The following SGPP2 variants were observed in gnomAD, a reference collection of about 807,000 sequenced individuals.
SGPP2 encodes sphingosine-1-phosphate phosphatase 2.
In SGPP2, 30 loss-of-function variants were observed where a neutral mutation model predicts 33.9. The ratio of observed to expected loss-of-function variants is 0.89; its 90% CI spans 0.66 to 1.20. SGPP2 has a LOEUF of 1.20. SGPP2 is among the 50% of genes most tolerant of loss of function. The probability of loss-of-function intolerance (pLI) is 0.00; values close to 1 mark genes in which losing one functional copy is unlikely to be tolerated. For missense variants in SGPP2, 458 were observed against 532.1 expected, an observed-to-expected ratio of 0.86 and a Z score of 1.37; for synonymous variants, 233 against 225.0, an observed-to-expected ratio of 1.04 and a Z score of -0.32.
At position 222,424,641 on chromosome 2, in the gene SGPP2, C is replaced by G; in HGVS notation, c.39C>G (p.Leu13=). 3 of 1,426,578 alleles carry G rather than the reference C, an allele frequency of 2.1e-6. No individual in the cohort carries two copies. Among genetic ancestry groups the G allele is most frequent in the African/African-American group, 1.5e-5 (1 of 67,726 alleles). 88.4% of individuals were successfully genotyped at this position (1,426,578 alleles called of 1,614,324 possible). A position where few individuals can be genotyped will look rare whatever the true frequency, so the allele number is the denominator to read the frequency against. Residue 13 remains leucine, a synonymous_variant, in exon 1 of 5, where the codon CTC becomes CTG. Coordinates refer to ENST00000321276, the MANE Select transcript of SGPP2 (RefSeq NM_152386.4). ...TGCGGAGCCTGCAGGATTCCCAGCT[C>G]GTCGCCCGCTTCCAGCGCCGCTGCG... ...ELLRSLQDSQ[L]VARFQRRCGL... is the part of the protein sequence containing the mutation.
chr2:222,523,488 C>A (rs1698715929), intron 3 of SGPP2, among the ~76,000 whole-genome samples: 1 of 152,150 alleles, frequency 6.6e-6, no homozygotes, highest in Admixed American at 6.5e-5. Flanking sequence ...AGGCTCGCAG[C>A]AGGAAAACCA....
chr2:222,458,077 G>T (rs975225535), intron 1 of SGPP2, among the ~76,000 whole-genome samples: 1 of 152,092 alleles, frequency 6.6e-6, no homozygotes, highest in Admixed American at 6.5e-5. Flanking sequence ...TTGTGATGGG[G>T]TCTTGCTGTG....
At chr2:222,508,857 G>C (rs1275417245) in intron 2 of SGPP2, among the ~76,000 whole-genome samples, 1 of 152,106 alleles carries the variant, frequency 6.6e-6, no homozygotes, top group Non-Finnish European at 1.5e-5. Context: ...TTAGACATGA[G>C]TAGCACTGTA....
chr2:222,478,305 G>A (rs1040791015), intron 2 of SGPP2, among the ~76,000 whole-genome samples: 4 of 150,778 alleles, frequency 2.7e-5, no homozygotes, highest in African/African-American at 7.4e-5. Flanking sequence ...GTATACGTAC[G>A]CGTGTTGGGA....
intron 1 of SGPP2, among the ~76,000 whole-genome samples, chr2:222,427,838 T>G (rs1697095518): frequency 6.6e-6 from 1 of 152,244 alleles, no homozygotes; most frequent in Non-Finnish European, 1.5e-5. Context: ...CTACAAGTTC[T>G]CATTACACCA....
chr2:222,559,159 G>GCC lies in SGPP2; in HGVS notation c.*262_*263insCC, dbSNP rs1306968136. 3.5e-4 allele frequency: 9 copies of GCC among 25,912 alleles called. No homozygotes were observed. The South Asian group carries it at 3.8e-3, about 11-fold the overall frequency. 1.6% of individuals were successfully genotyped at this position (25,912 alleles called of 1,614,324 possible). On this transcript the variant is annotated 3_prime_UTR_variant, in exon 5 of 5. Coordinates refer to ENST00000321276, the MANE Select transcript of SGPP2 (RefSeq NM_152386.4). ...ATCCGGATCTTTAAAGGCACACACC[G>GCC]CGCCCCCCCCCCCCCCGCCCGGCCC...
At chr2:222,439,789 A>G (rs922288833) in intron 1 of SGPP2, among the ~76,000 whole-genome samples, 2 of 152,232 alleles carry the variant, frequency 1.3e-5, no homozygotes, top group African/African-American at 4.8e-5. Flanking sequence ...AGGGTAAGAA[A>G]GGAAGGATTG....
intron 1 of SGPP2, among the ~76,000 whole-genome samples, chr2:222,456,350 G>T (rs1697573658): frequency 6.6e-6 from 1 of 152,158 alleles, no homozygotes; most frequent in Non-Finnish European, 1.5e-5. Context: ...CGTCCATATT[G>T]GGAGCCACTA....
At chr2:222,537,477 T>A (rs1019251025) in intron 4 of SGPP2, among the ~76,000 whole-genome samples, 1 of 152,164 alleles carries the variant, frequency 6.6e-6, no homozygotes, top group South Asian at 2.1e-4. Context: ...TCCACATGTA[T>A]GTATAGAGAT....
At chr2:222,472,887 T>C (rs929623237) in intron 1 of SGPP2, among the ~76,000 whole-genome samples, 1 of 152,088 alleles carries the variant, frequency 6.6e-6, no homozygotes, top group Non-Finnish European at 1.5e-5. Context: ...GGTGGTGCAC[T>C]TCTGTAGTCT....
chr2:222,512,370 A>G (rs558433566), intron 2 of SGPP2, among the ~76,000 whole-genome samples: 61 of 152,084 alleles, frequency 4.0e-4, no homozygotes, highest in African/African-American at 1.5e-3. Context: ...TGGAAAGTAT[A>G]GAGTTCTCAT....
chr2:222,534,586 A>AT (rs887567413), intron 4 of SGPP2, among the ~76,000 whole-genome samples: 3 of 152,018 alleles, frequency 2.0e-5, no homozygotes, highest in Admixed American at 6.5e-5. Context: ...TTTTTGTTGT[A>AT]TTTTTTCATG....
At chr2:222,545,778 C>T (rs1432867614) in intron 4 of SGPP2, among the ~76,000 whole-genome samples, 5 of 152,122 alleles carry the variant, frequency 3.3e-5, no homozygotes, top group African/African-American at 2.4e-5. Flanking sequence ...TGAGAAATTC[C>T]ACCTTAAAGA....
At chr2:222,474,809 TC>T in intron 2 of SGPP2, 83 bp downstream of exon 2, 10 of 1,105,510 alleles carry the variant, frequency 9.0e-6, no homozygotes, top group East Asian at 2.8e-5. Flanking sequence ...GCAAATATGT[TC>T]TTTCTTTTTT....
At chr2:222,523,169 T>A (rs55993738) in intron 3 of SGPP2, among the ~76,000 whole-genome samples, 50,448 of 152,174 alleles carry the variant, frequency 0.33, 8,837 homozygotes, top group Middle Eastern at 0.49. Flanking sequence ...TCTACCACTG[T>A]AGCCTTCTAC....
At chr2:222,544,865 G>T (rs573440751) in intron 4 of SGPP2, among the ~76,000 whole-genome samples, 15 of 152,202 alleles carry the variant, frequency 9.9e-5, no homozygotes, top group Admixed American at 9.2e-4. Context: ...AGCGTGTATG[G>T]GGTGTTAGTT....
At chr2:222,429,851 C>T (rs151295069) in intron 1 of SGPP2, among the ~76,000 whole-genome samples, 6 of 152,290 alleles carry the variant, frequency 3.9e-5, no homozygotes, top group African/African-American at 1.4e-4. Context: ...TAGGGCAAAC[C>T]ACTACGAGGG....
chr2:222,521,684 A>C, intron 2 of SGPP2, 83 bp from the exon 3 acceptor site: 1 of 1,470,848 alleles, frequency 6.8e-7, no homozygotes, highest in Non-Finnish European at 9.1e-7. Flanking sequence ...CAACCTGAGA[A>C]CCCCAAAATA....
chr2:222,502,937 G>A (rs1180421526), intron 2 of SGPP2, among the ~76,000 whole-genome samples: 4 of 152,178 alleles, frequency 2.6e-5, no homozygotes, highest in Non-Finnish European at 5.9e-5. Context: ...TTAAAAATGT[G>A]AATAGGAAGA....
Sources: allele counts gnomAD v4.1 joint callset (sites outside exome capture counted in the v4.1 genomes callset), GRCh38; gene constraint gnomAD v4.1.1; transcripts MANE v1.5; gene names NCBI Gene and HGNC (gene_info 2026-07-23, HGNC 2026-07-21).